ADGRL2: variants seen among roughly 807,000 people sequenced by gnomAD.
ADGRL2 encodes calcium-independent alpha-latrotoxin receptor 2.
ADGRL2 carries 44 observed loss-of-function variants against 157.4 expected under a neutral mutation model. The observed-to-expected ratio is 0.28, with a 90% CI of 0.22 to 0.36. ADGRL2 has a LOEUF of 0.36. Ranked by LOEUF, ADGRL2 falls within the 10% of genes least tolerant of loss-of-function variation. The pLI is 1.00. For missense variants in ADGRL2, 1,510 were observed against 1,768.9 expected, an observed-to-expected ratio of 0.85 and a Z score of 2.63; for synonymous variants, 585 against 624.7, an observed-to-expected ratio of 0.94 and a Z score of 0.95.
At chr1:81,638,167 C>A (rs1218323298) in intron 3 of ADGRL2, among the ~76,000 whole-genome samples, 1 of 151,906 alleles carries the variant, frequency 6.6e-6, no homozygotes, top group African/African-American at 2.4e-5. Context: ...AACTCACCAA[C>A]TTTGAATTCT....
At chr1:81,475,790 C>G (rs956561196) in intron 2 of ADGRL2, among the ~76,000 whole-genome samples, 3 of 152,060 alleles carry the variant, frequency 2.0e-5, no homozygotes, top group African/African-American at 7.2e-5. Flanking sequence ...GCTGACAACT[C>G]AAGTGTCAAC....
intron 1 of ADGRL2, among the ~76,000 whole-genome samples, chr1:81,441,663 G>A (rs1213968056): frequency 3.9e-5 from 6 of 151,944 alleles, no homozygotes; most frequent in Non-Finnish European, 5.9e-5. Context: ...TCAGCCTCCC[G>A]AGTTGCTGGG....
intron 3 of ADGRL2, among the ~76,000 whole-genome samples, chr1:81,654,349 C>G (rs2082485576): frequency 6.6e-6 from 1 of 152,198 alleles, no homozygotes; most frequent in Non-Finnish European, 1.5e-5. Flanking sequence ...GTTCCACCTT[C>G]CATGTCAGTC....
At chr1:81,626,119 T>G (rs1046217365) in intron 3 of ADGRL2, among the ~76,000 whole-genome samples, 5 of 152,158 alleles carry the variant, frequency 3.3e-5, no homozygotes, top group African/African-American at 9.7e-5. Context: ...CAACACTCTG[T>G]CACAAAGCCC....
chr1:81,551,305 T>C (rs2080139936), intron 2 of ADGRL2, among the ~76,000 whole-genome samples: 1 of 151,724 alleles, frequency 6.6e-6, no homozygotes, highest in South Asian at 2.1e-4. Flanking sequence ...AAGATCTGTG[T>C]ATCCAACAGG....
chr1:81,686,491 T>G (rs948335661), intron 3 of ADGRL2, among the ~76,000 whole-genome samples: 1 of 152,238 alleles, frequency 6.6e-6, no homozygotes, highest in Non-Finnish European at 1.5e-5. Flanking sequence ...ATCTCCTGTT[T>G]CATTTCTCAG....
chr1:81,329,717 T>A lies in ADGRL2; in HGVS notation c.-302+23208T>A, dbSNP rs1208931659. ...CCACCAACTGTTTTTTAGATGCCAATTTATTTTTCACTTGTGAAACTTTGA... is the reference window on the plus strand; with the variant it reads ...CCACCAACTGTTTTTTAGATGCCAAATTATTTTTCACTTGTGAAACTTTGA... On this transcript the variant is annotated intron_variant, in intron 1 of 24. Transcript: ENST00000370721. Among the ~76,000 whole-genome samples the A allele has an allele frequency of 2.0e-5, 3 of 152,202 alleles. No homozygotes were observed. The East Asian group carries it at 5.8e-4, about 29-fold the overall frequency.
intron 2 of ADGRL2, among the ~76,000 whole-genome samples, chr1:81,487,909 A>T (rs114669791): frequency 0.037 from 5,604 of 152,206 alleles, 199 homozygotes; most frequent in Non-Finnish European, 0.052. Flanking sequence ...ACACATAGTA[A>T]TATATTCAAT....
chr1:81,938,658 G>GT (rs1179199766), intron 4 of ADGRL2, among the ~76,000 whole-genome samples: 7 of 151,296 alleles, frequency 4.6e-5, no homozygotes, highest in East Asian at 1.9e-4. Context: ...AAGTCTATGG[G>GT]TTTTTTTTAA....
chr1:81,500,075 T>G (rs531366780), intron 2 of ADGRL2, among the ~76,000 whole-genome samples: 3 of 152,186 alleles, frequency 2.0e-5, no homozygotes, highest in Non-Finnish European at 4.4e-5. Flanking sequence ...TTGTATGGAA[T>G]GCAAAGGATA....
intron 3 of ADGRL2, among the ~76,000 whole-genome samples, chr1:81,934,890 A>G (rs2095287523): frequency 6.6e-6 from 1 of 151,980 alleles, no homozygotes; most frequent in African/African-American, 2.4e-5. Context: ...AATAAATACA[A>G]AGAAGGAAAT....
intron 1 of ADGRL2, among the ~76,000 whole-genome samples, chr1:81,428,610 T>C (rs980421038): frequency 8.5e-5 from 13 of 152,208 alleles, no homozygotes; most frequent in South Asian, 4.2e-4. Flanking sequence ...CAGGCAATTT[T>C]AGAGGAAGAG....
chr1:81,362,703 A>T (rs2076000750), intron 1 of ADGRL2, among the ~76,000 whole-genome samples: 1 of 151,968 alleles, frequency 6.6e-6, no homozygotes, highest in African/African-American at 2.4e-5. Context: ...AAAAATGCTC[A>T]TCCTTTGACC....
intron 7 of ADGRL2, 134 bp from the exon 8 acceptor site, chr1:81,950,884 G>A: frequency 1.6e-6 from 1 of 627,188 alleles, no homozygotes; most frequent in East Asian, 2.6e-5. Context: ...CCTACTTTTT[G>A]TCACTTATTG....
intron 2 of ADGRL2, among the ~76,000 whole-genome samples, chr1:81,465,014 C>T (rs2078023905): frequency 6.6e-6 from 1 of 151,326 alleles, no homozygotes; most frequent in African/African-American, 2.4e-5. Flanking sequence ...GCCCACTGTT[C>T]TACCATCAAG....
intron 2 of ADGRL2, among the ~76,000 whole-genome samples, chr1:81,513,619 G>A (rs1007964429): frequency 2.6e-5 from 4 of 152,210 alleles, no homozygotes; most frequent in Admixed American, 1.3e-4. Context: ...AAACAGAACC[G>A]AGACACAATC....
In ADGRL2 at chr1:81,502,844, C is replaced by A. The variant is rs2078884058; in HGVS notation, c.-248+57755C>A. 3.7e-6 allele frequency: 6 copies of A among 1,612,578 alleles called. No individual in the cohort carries two copies. The African/African-American group carries it at 4.0e-5, about 11-fold the overall frequency. Reference sequence around the variant, plus strand: ...GCTGCTGCCGCTGCCGAGGCCCCTGCCCTCCTCTCCCCACCCAAGATCCGC... The same window carrying A: ...GCTGCTGCCGCTGCCGAGGCCCCTGACCTCCTCTCCCCACCCAAGATCCGC... On this transcript the variant is annotated intron_variant, in intron 2 of 24. Transcript: ENST00000370721.
At chr1:81,550,512 G>A (rs1427358819) in intron 2 of ADGRL2, among the ~76,000 whole-genome samples, 2 of 152,108 alleles carry the variant, frequency 1.3e-5, no homozygotes, top group African/African-American at 2.4e-5. Context: ...AGTTTATGTT[G>A]GAAAGTAAAA....
chr1:81,658,344 C>T (rs1214555743), intron 3 of ADGRL2, among the ~76,000 whole-genome samples: 2 of 152,170 alleles, frequency 1.3e-5, no homozygotes, highest in Non-Finnish European at 2.9e-5. Context: ...ATCCACCTGC[C>T]TCGGCCTCCC....
Sources: gnomAD v4.1 joint callset for allele counts (sites outside exome capture counted in the v4.1 genomes callset) on GRCh38, gnomAD v4.1.1 for gene constraint, MANE v1.5 for transcripts, NCBI Gene and HGNC (gene_info 2026-07-23, HGNC 2026-07-21) for gene names.